CCDC15: variants seen among roughly 807,000 people sequenced by gnomAD.
The protein encoded by CCDC15 is coiled-coil domain containing 15.
CCDC15 carries 105 observed loss-of-function variants against 114.5 expected under a neutral mutation model. The ratio of observed to expected loss-of-function variants is 0.92; its 90% CI spans 0.78 to 1.08. CCDC15 has a LOEUF of 1.08. Ranked by LOEUF, CCDC15 falls within the 50% of genes least tolerant of loss-of-function variation. The pLI, the probability that CCDC15 is intolerant of heterozygous loss-of-function variation, is 0.00. For missense variants in CCDC15, 1,105 were observed against 1,093.6 expected, an observed-to-expected ratio of 1.01 and a Z score of -0.15; for synonymous variants, 334 against 377.8, an observed-to-expected ratio of 0.88 and a Z score of 1.34.
At chr11:125,006,497 A>T (rs966294592) in intron 13 of CCDC15, among the ~76,000 whole-genome samples, 4 of 152,082 alleles carry the variant, frequency 2.6e-5, no homozygotes, top group Non-Finnish European at 5.9e-5. Flanking sequence ...TCATCTGTTG[A>T]CAGTATCTTT....
intron 7 of CCDC15, 33 bp from the exon 8 acceptor site, chr11:124,987,094 C>T: frequency 6.8e-7 from 1 of 1,465,514 alleles, no homozygotes; most frequent in Non-Finnish European, 9.0e-7. Flanking sequence ...TACTAACTCA[C>T]ATTCTGTATT....
rs572522641 is a variant in CCDC15 at position 125,035,860 on chromosome 11, A to G, written c.2412-2571A>G. ...CAAACTAACAAGTAAAGAGAAAACT[A>G]ATAAAAACTCTACACTTTAACATCA... On this transcript the variant is annotated intron_variant, in intron 13 of 15. Coordinates refer to ENST00000344762, the MANE Select transcript of CCDC15 (RefSeq NM_025004.3). Among the ~76,000 whole-genome samples the G allele has an allele frequency of 1.0e-3, 154 of 152,220 alleles. 3 individuals carry two copies. The highest frequency in any genetic ancestry group is 3.3e-3 in the African/African-American group (137 of 41,494).
At chr11:125,040,016 A>G (rs917054922) in intron 15 of CCDC15, among the ~76,000 whole-genome samples, 6 of 151,372 alleles carry the variant, frequency 4.0e-5, no homozygotes, top group Non-Finnish European at 7.4e-5. Context: ...TCATTCTATG[A>G]TGACATTTGT....
chr11:124,974,289 T>C (rs1047720264), intron 4 of CCDC15, among the ~76,000 whole-genome samples: 5 of 152,192 alleles, frequency 3.3e-5, no homozygotes, highest in Non-Finnish European at 1.5e-5. Flanking sequence ...CCTACAGTGC[T>C]TATCTTAAAA....
chr11:125,011,162 C>T (rs1948588976), intron 13 of CCDC15, among the ~76,000 whole-genome samples: 1 of 151,160 alleles, frequency 6.6e-6, no homozygotes, highest in African/African-American at 2.4e-5. Context: ...CATTTCTTCT[C>T]TTGTATTACT....
At chr11:124,993,849 C>T in intron 11 of CCDC15, among the ~76,000 whole-genome samples, 1 of 152,160 alleles carries the variant, frequency 6.6e-6, no homozygotes, top group South Asian at 2.1e-4. Context: ...TCATTGAACA[C>T]TTACCACAGC....
intron 6 of CCDC15, among the ~76,000 whole-genome samples, chr11:124,985,883 T>C (rs1263335874): frequency 5.9e-5 from 9 of 152,074 alleles, no homozygotes; most frequent in African/African-American, 1.9e-4. Flanking sequence ...CACTTCTTTT[T>C]TTCTTATGTT....
Position 124,977,573 on chromosome 11 carries a change from A to G in CCDC15, c.726A>G (p.Val242=). ...TCCATCAAGGTCTTTTAGCTGCTGTACCTTACCAGAATTATATGGAAAATC... is the reference window on the plus strand; with the variant it reads ...TCCATCAAGGTCTTTTAGCTGCTGTGCCTTACCAGAATTATATGGAAAATC... ...IKVHQGLLAA[V]PYQNYMENQE... Residue 242 remains valine (V), a synonymous_variant, in exon 6 of 16, where the codon GTA becomes GTG. Coordinates refer to ENST00000344762, the MANE Select transcript of CCDC15 (RefSeq NM_025004.3). 6.2e-7 allele frequency: 1 copy of G among 1,608,232 alleles called. No homozygotes were observed. The highest frequency in any genetic ancestry group is 8.5e-7 in the Non-Finnish European group (1 of 1,177,222).
intron 4 of CCDC15, 119 bp downstream of exon 4, chr11:124,960,122 G>T (rs2135430086): frequency 1.0e-5 from 6 of 579,026 alleles, no homozygotes; most frequent in South Asian, 6.8e-5. Flanking sequence ...CTTCACTTTT[G>T]ATAATCATCC....
chr11:124,968,516 G>A (rs775139637), intron 4 of CCDC15, among the ~76,000 whole-genome samples: 26 of 152,178 alleles, frequency 1.7e-4, no homozygotes, highest in African/African-American at 3.9e-4. Flanking sequence ...TTGGAAAAGC[G>A]CAGTATTAGG....
intron 13 of CCDC15, among the ~76,000 whole-genome samples, chr11:125,013,003 G>T (rs1406288619): frequency 6.6e-6 from 1 of 152,106 alleles, no homozygotes; most frequent in Non-Finnish European, 1.5e-5. Flanking sequence ...CTTCTAGTTT[G>T]TTGATAGCAT....
chr11:125,026,096 A>G (rs545215971), intron 13 of CCDC15, among the ~76,000 whole-genome samples: 2 of 152,144 alleles, frequency 1.3e-5, no homozygotes, highest in Non-Finnish European at 1.5e-5. Flanking sequence ...CCCAGCTGGT[A>G]TCTCACTAGC....
At chr11:124,989,621 G>T (rs1002872565) in intron 8 of CCDC15, among the ~76,000 whole-genome samples, 1 of 152,212 alleles carries the variant, frequency 6.6e-6, no homozygotes, top group African/African-American at 2.4e-5. Context: ...GTTGTCCAGT[G>T]TAGCCACCTT....
At chr11:124,978,817 C>G in intron 6 of CCDC15, among the ~76,000 whole-genome samples, 1 of 93,816 alleles carries the variant, frequency 1.1e-5, no homozygotes, top group African/African-American at 3.8e-5. Flanking sequence ...TCCCATTTGT[C>G]ATTTTTTTTT....
In CCDC15 at chr11:124,977,464, A is replaced by G. The variant is rs768896488; in HGVS notation, c.631-14A>G. 20 of 1,568,930 alleles carry G rather than the reference A, an allele frequency of 1.3e-5. 1 individual carries two copies. In the South Asian group the frequency reaches 2.1e-4, roughly 17 times the overall value. On this transcript the variant is annotated splice_polypyrimidine_tract_variant and intron_variant, in intron 5 of 15. Coordinates refer to ENST00000344762, the MANE Select transcript of CCDC15 (RefSeq NM_025004.3). ...CTCTAGACCTATTTATATTTGTAGT[A>G]ATTTTTTTTCCAGGAAGTGCTTTCC...
chr11:124,963,429 A>G (rs1449586726), intron 4 of CCDC15, among the ~76,000 whole-genome samples: 1 of 152,204 alleles, frequency 6.6e-6, no homozygotes, highest in African/African-American at 2.4e-5. Context: ...TGTTGGCTGC[A>G]TAAGTGTCTT....
intron 13 of CCDC15, among the ~76,000 whole-genome samples, chr11:125,009,175 C>T (rs984363236): frequency 1.3e-5 from 2 of 150,778 alleles, no homozygotes; most frequent in Non-Finnish European, 1.5e-5. Context: ...TGCAGTGAGC[C>T]GAGATCGTGC....
In CCDC15 at chr11:125,040,823, C is replaced by A; in HGVS notation, c.*112C>A. On this transcript the variant is annotated 3_prime_UTR_variant, in exon 16 of 16. Coordinates refer to ENST00000344762, the MANE Select transcript of CCDC15 (RefSeq NM_025004.3). ...AAAATATATAATCTGGGAAGAAATA[C>A]TGTCTCATATAATAATTAGATTGTA... is the stretch of plus-strand genomic sequence containing the variant. 1.1e-6 allele frequency: 1 copy of A among 870,160 alleles called. No individual in the cohort carries two copies. Among genetic ancestry groups the A allele is most frequent in the East Asian group, 2.7e-5 (1 of 37,502 alleles). The allele number at this position is 870,160 out of a possible 1,614,324, so 53.9% of individuals were successfully genotyped here.
At chr11:125,027,684 G>T (rs1227948889) in intron 13 of CCDC15, among the ~76,000 whole-genome samples, 1 of 151,684 alleles carries the variant, frequency 6.6e-6, no homozygotes, top group East Asian at 1.9e-4. Flanking sequence ...TCTGTGGGTT[G>T]TCTGTTTGCT....
Sources: gnomAD v4.1 joint callset for allele counts (sites outside exome capture counted in the v4.1 genomes callset) on GRCh38, gnomAD v4.1.1 for gene constraint, MANE v1.5 for transcripts, NCBI Gene and HGNC (gene_info 2026-07-23, HGNC 2026-07-21) for gene names.